Variants in IRAK3 observed in about 807,000 individuals in gnomAD.
IRAK3 encodes interleukin 1 receptor associated kinase 3, also known as interleukin-1 receptor-associated kinase 3.
A neutral mutation model predicts 56.6 loss-of-function variants in IRAK3; 57 were observed. The ratio of observed to expected loss-of-function variants is 1.01; its 90% CI spans 0.81 to 1.26. The LOEUF (loss-of-function observed/expected upper bound fraction) is 1.26, where lower values mean the gene tolerates loss of function less well. Among genes scored for constraint, IRAK3 ranks in the 50% most tolerant of loss-of-function variants. The pLI is 0.00. For synonymous variants in IRAK3, 258 were observed against 255.7 expected, an observed-to-expected ratio of 1.01 and a Z score of -0.09; for missense variants, 703 against 719.0, an observed-to-expected ratio of 0.98 and a Z score of 0.25.
At chr12:66,193,684 C>T (rs1010738918) in intron 1 of IRAK3, among the ~76,000 whole-genome samples, 3 of 151,872 alleles carry the variant, frequency 2.0e-5, no homozygotes, top group Non-Finnish European at 2.9e-5. Flanking sequence ...TCCTCAACTG[C>T]GATTTGTCTG....
At position 66,189,334 on chromosome 12, in the gene IRAK3, C is replaced by G. The variant is rs1213842807; in HGVS notation, c.35C>G (p.Ser12Trp). 1 of 1,532,806 alleles carries G rather than the reference C, an allele frequency of 6.5e-7. No homozygotes were observed. Among genetic ancestry groups the G allele is most frequent in the Non-Finnish European group, 8.7e-7 (1 of 1,145,832 alleles). 95.0% of individuals were successfully genotyped at this position (1,532,806 alleles called of 1,614,324 possible). The change falls in exon 1 of 12, where the codon TCG (serine) becomes TGG (tryptophan). Residue 12 changes from serine to tryptophan, a missense_variant. Coordinates refer to ENST00000261233, the MANE Select transcript of IRAK3 (RefSeq NM_007199.3). ...AACTGTGGGGCCCGCGGCGCGCTGT[C>G]GGCGCACACGCTGCTGTTCGACCTG... ...AGNCGARGAL[S>W]AHTLLFDLPP...
intron 8 of IRAK3, among the ~76,000 whole-genome samples, chr12:66,243,724 G>C (rs1481739201): frequency 6.6e-6 from 1 of 152,178 alleles, no homozygotes; most frequent in Non-Finnish European, 1.5e-5. Flanking sequence ...GGAAACTGTG[G>C]GTGGTCATGG....
chr12:66,235,748 A>C (rs999168487), intron 8 of IRAK3, among the ~76,000 whole-genome samples: 2 of 152,264 alleles, frequency 1.3e-5, no homozygotes, highest in Non-Finnish European at 2.9e-5. Flanking sequence ...TTGTATAACT[A>C]CAAATTCATG....
intron 8 of IRAK3, among the ~76,000 whole-genome samples, chr12:66,239,066 C>G (rs960372677): frequency 6.6e-6 from 1 of 152,178 alleles, no homozygotes; most frequent in Non-Finnish European, 1.5e-5. Context: ...CATTTATGAA[C>G]TATTTTAAAT....
intron 2 of IRAK3, among the ~76,000 whole-genome samples, chr12:66,209,197 TTAA>T (rs1335845520): frequency 3.8e-4 from 58 of 152,224 alleles, no homozygotes; most frequent in African/African-American, 1.4e-3. Context: ...TTATTTAAAG[TTAA>T]TAATAGATTA....
intron 6 of IRAK3, among the ~76,000 whole-genome samples, chr12:66,223,838 C>T (rs1232817857): frequency 2.6e-5 from 4 of 150,976 alleles, no homozygotes; most frequent in African/African-American, 4.9e-5. Context: ...CTCAGCCTCC[C>T]GAGTAGCTGG....
intron 2 of IRAK3, among the ~76,000 whole-genome samples, chr12:66,205,344 G>A (rs895459189): frequency 1.3e-5 from 2 of 152,082 alleles, no homozygotes; most frequent in Admixed American, 6.5e-5. Flanking sequence ...GAGATTAGCC[G>A]ATTGGTAAAA....
At chr12:66,190,870 TCTCCC>T (rs2052392500) in intron 1 of IRAK3, among the ~76,000 whole-genome samples, 1 of 152,166 alleles carries the variant, frequency 6.6e-6, no homozygotes, top group South Asian at 2.1e-4. Flanking sequence ...ACTCTACACT[TCTCCC>T]CTTACTGCTG....
At chr12:66,240,619 G>A (rs1424450878) in intron 8 of IRAK3, among the ~76,000 whole-genome samples, 1 of 151,920 alleles carries the variant, frequency 6.6e-6, no homozygotes, top group East Asian at 1.9e-4. Context: ...TGCAACAGCC[G>A]TAATACAGAC....
chr12:66,234,003 A>C, intron 8 of IRAK3: 1 of 1,529,370 alleles, frequency 6.5e-7, no homozygotes, highest in Non-Finnish European at 9.0e-7. Context: ...ACAATTGATC[A>C]GAAAAATCCA....
intron 2 of IRAK3, among the ~76,000 whole-genome samples, chr12:66,206,100 CT>C (rs11465951): frequency 0.13 from 20,131 of 152,142 alleles, 2,228 homozygotes; most frequent in East Asian, 0.4. Flanking sequence ...CATTTTCAAT[CT>C]TCCATTTTAT....
intron 8 of IRAK3, chr12:66,234,471 A>G: frequency 6.2e-7 from 1 of 1,611,408 alleles, no homozygotes. Context: ...GCAATACTGT[A>G]TGGTGAAGGA....
chr12:66,228,182 C>T, intron 7 of IRAK3, 70 bp from the exon 8 acceptor site: 1 of 1,055,906 alleles, frequency 9.5e-7, no homozygotes, highest in East Asian at 2.4e-5. Context: ...TGGTGTATGT[C>T]TGCATAATGA....
At chr12:66,198,025 C>T (rs1443125362) in intron 1 of IRAK3, 1 of 985,014 alleles carries the variant, frequency 1.0e-6, no homozygotes, top group South Asian at 4.7e-5. Flanking sequence ...ATAAACTGTG[C>T]CTTTCCTACT....
At chr12:66,240,429 C>T (rs746918026) in intron 8 of IRAK3, among the ~76,000 whole-genome samples, 21 of 152,274 alleles carry the variant, frequency 1.4e-4, no homozygotes, top group Non-Finnish European at 2.8e-4. Flanking sequence ...AAGAAAGCTC[C>T]GCAGTCCCAC....
intron 6 of IRAK3, among the ~76,000 whole-genome samples, 199 bp downstream of exon 6, chr12:66,217,434 G>A (rs1375176836): frequency 5.9e-5 from 9 of 152,096 alleles, no homozygotes; most frequent in Admixed American, 2.0e-4. Flanking sequence ...TAATTCACTT[G>A]AACATATTTT....
At chr12:66,234,552 C>G in intron 8 of IRAK3, 1 of 1,611,862 alleles carries the variant, frequency 6.2e-7, no homozygotes, top group Non-Finnish European at 8.5e-7. Flanking sequence ...CTCACCTCTC[C>G]TTCTCTATGC....
chr12:66,197,024 C>T (rs773349432), intron 1 of IRAK3: 31 of 1,528,688 alleles, frequency 2.0e-5, no homozygotes, highest in Non-Finnish European at 2.5e-5. Flanking sequence ...CATATGGAGA[C>T]GTGATTTCTG....
intron 1 of IRAK3, chr12:66,197,650 A>T: frequency 1.0e-6 from 1 of 985,416 alleles, no homozygotes; most frequent in Non-Finnish European, 1.2e-6. Flanking sequence ...GTTTTTTACC[A>T]TGAACTTCTG....
Sources: allele counts gnomAD v4.1 joint callset (sites outside exome capture counted in the v4.1 genomes callset), GRCh38; gene constraint gnomAD v4.1.1; transcripts MANE v1.5; gene names NCBI Gene and HGNC (gene_info 2026-07-23, HGNC 2026-07-21).